The following DLG2 variants were observed in gnomAD, a reference collection of about 807,000 sequenced individuals.
The protein encoded by DLG2 is discs large MAGUK scaffold protein 2, also known as disks large homolog 2.
DLG2 carries 45 observed loss-of-function variants against 132.5 expected under a neutral mutation model. The ratio of observed to expected loss-of-function variants is 0.34; its 90% CI spans 0.27 to 0.44. The LOEUF is 0.44. Ranked by LOEUF, DLG2 falls within the 20% of genes least tolerant of loss-of-function variation. DLG2 has a pLI of 1.00. For synonymous variants in DLG2, 424 were observed against 419.6 expected, an observed-to-expected ratio of 1.01 and a Z score of -0.13; for missense variants, 1,045 against 1,196.9, an observed-to-expected ratio of 0.87 and a Z score of 1.87.
At chr11:83,687,035 G>C (rs1038590735) in intron 18 of DLG2, among the ~76,000 whole-genome samples, 29 of 152,282 alleles carry the variant, frequency 1.9e-4, no homozygotes, top group African/African-American at 7.0e-4. Context: ...GGTGCACACA[G>C]GGAGAATGTT....
At chr11:83,648,076 A>G (rs1274038530) in intron 18 of DLG2, 1 of 152,182 alleles carries the variant, frequency 6.6e-6, no homozygotes, top group Non-Finnish European at 1.5e-5. Flanking sequence ...GAATCTGTCT[A>G]TTAATCCATT....
At chr11:83,711,983 G>C (rs1937863162) in intron 18 of DLG2, among the ~76,000 whole-genome samples, 1 of 151,864 alleles carries the variant, frequency 6.6e-6, no homozygotes, top group Non-Finnish European at 1.5e-5. Flanking sequence ...AAGTCAAAAA[G>C]CAAAAAACAA....
intron 10 of DLG2, among the ~76,000 whole-genome samples, chr11:84,094,513 G>A (rs2097140251): frequency 6.6e-6 from 1 of 152,002 alleles, no homozygotes. Context: ...AGTCTGTTGG[G>A]CTATTATAAA....
chr11:84,678,390 C>A (rs919544547), intron 6 of DLG2, among the ~76,000 whole-genome samples: 1 of 152,028 alleles, frequency 6.6e-6, no homozygotes, highest in African/African-American at 2.4e-5. Context: ...ACCAGGGAGA[C>A]AACATACGGA....
intron 19 of DLG2, 40 bp from the exon 20 acceptor site, chr11:83,541,898 T>G: frequency 3.9e-6 from 6 of 1,539,686 alleles, no homozygotes; most frequent in Non-Finnish European, 3.5e-6. Context: ...TAGGAATCTC[T>G]GGCAGCACAG....
intron 3 of DLG2, among the ~76,000 whole-genome samples, chr11:85,334,885 A>T (rs2082018988): frequency 6.6e-6 from 1 of 152,152 alleles, no homozygotes; most frequent in Non-Finnish European, 1.5e-5. Flanking sequence ...GACAATGAAA[A>T]TAATGTATAT....
chr11:83,590,681 A>G (rs1445788428), intron 19 of DLG2, among the ~76,000 whole-genome samples: 2 of 152,228 alleles, frequency 1.3e-5, no homozygotes, highest in Non-Finnish European at 2.9e-5. Flanking sequence ...AAAACCCTTC[A>G]AAAAATTAAT....
chr11:84,340,000 A>T (rs2098506883), intron 7 of DLG2, among the ~76,000 whole-genome samples: 1 of 152,236 alleles, frequency 6.6e-6, no homozygotes, highest in African/African-American at 2.4e-5. Flanking sequence ...CATGGGGACT[A>T]GTATGTTTGC....
intron 21 of DLG2, among the ~76,000 whole-genome samples, chr11:83,507,508 CTATA>C (rs1262065684): frequency 6.9e-6 from 1 of 144,176 alleles, no homozygotes; most frequent in Non-Finnish European, 1.5e-5. Context: ...TATATATCCT[CTATA>C]TATATATCCA....
At chr11:84,023,823 C>T (rs2095467746) in intron 11 of DLG2, among the ~76,000 whole-genome samples, 2 of 152,144 alleles carry the variant, frequency 1.3e-5, no homozygotes, top group African/African-American at 4.8e-5. Context: ...CTTCATCCTT[C>T]TCCTTACCTA....
intron 7 of DLG2, among the ~76,000 whole-genome samples, chr11:84,335,535 T>TA (rs1427780266): frequency 6.6e-6 from 1 of 152,212 alleles, no homozygotes; most frequent in Non-Finnish European, 1.5e-5. Flanking sequence ...TGTAAAGTAA[T>TA]ATATACATGC....
chr11:85,154,661 A>G lies in DLG2; in HGVS notation c.187-10T>C. 2 of 1,352,886 alleles carry G rather than the reference A, an allele frequency of 1.5e-6. No individual in the cohort carries two copies. The highest frequency in any genetic ancestry group is 2.0e-6 in the Non-Finnish European group (2 of 978,438). The allele number at this position is 1,352,886 out of a possible 1,614,324, so 83.8% of individuals were successfully genotyped here. A position where few individuals can be genotyped will look rare whatever the true frequency, so the allele number is the denominator to read the frequency against. The stretch of plus-strand genomic sequence containing the variant: ...CACTGCAATCTGTAAGCTAAAATAA[A>G]AGTTTAAAAAATCAATACTCCTTTT... On this transcript the variant is annotated splice_polypyrimidine_tract_variant and intron_variant, in intron 4 of 27. Coordinates refer to ENST00000376104, the MANE Select transcript of DLG2 (RefSeq NM_001142699.3).
At chr11:85,101,639 T>C (rs554778523) in intron 6 of DLG2, among the ~76,000 whole-genome samples, 2 of 152,200 alleles carry the variant, frequency 1.3e-5, no homozygotes, top group Admixed American at 1.3e-4. Flanking sequence ...TTATGGTATT[T>C]TGTACTCCTA....
intron 3 of DLG2, among the ~76,000 whole-genome samples, chr11:85,320,909 T>C (rs983433891): frequency 6.6e-6 from 1 of 151,722 alleles, no homozygotes; most frequent in East Asian, 1.9e-4. Context: ...CTTTGGATTT[T>C]TTTTTTCAGT....
At chr11:84,602,586 C>T (rs2099578560) in intron 6 of DLG2, among the ~76,000 whole-genome samples, 1 of 151,944 alleles carries the variant, frequency 6.6e-6, no homozygotes, top group Admixed American at 6.6e-5. Context: ...GTGATCCCAT[C>T]TACATATATT....
At chr11:83,690,037 T>C (rs1217506648) in intron 18 of DLG2, among the ~76,000 whole-genome samples, 1 of 146,460 alleles carries the variant, frequency 6.8e-6, no homozygotes, top group African/African-American at 2.5e-5. Flanking sequence ...TATGTAAATA[T>C]AAATTATGTA....
intron 6 of DLG2, among the ~76,000 whole-genome samples, chr11:84,890,207 T>C (rs941848466): frequency 2.0e-5 from 3 of 152,174 alleles, no homozygotes; most frequent in Admixed American, 6.5e-5. Flanking sequence ...CTAAGCTTAT[T>C]TTTTAGTACT....
At chr11:84,709,817 A>G (rs1037019565) in intron 6 of DLG2, among the ~76,000 whole-genome samples, 1 of 151,920 alleles carries the variant, frequency 6.6e-6, no homozygotes, top group Non-Finnish European at 1.5e-5. Flanking sequence ...GAAGTGTTGG[A>G]CCATAGAGAT....
chr11:84,273,032 A>T (rs2097748299), intron 7 of DLG2: 7 of 893,052 alleles, frequency 7.8e-6, no homozygotes, highest in Non-Finnish European at 1.1e-5. Flanking sequence ...AGAACTACAG[A>T]GAAAATAACT....
Sources: gnomAD v4.1 joint callset for allele counts (sites outside exome capture counted in the v4.1 genomes callset) on GRCh38, gnomAD v4.1.1 for gene constraint, MANE v1.5 for transcripts, NCBI Gene and HGNC (gene_info 2026-07-23, HGNC 2026-07-21) for gene names.